Variants in PCNT observed in about 807,000 individuals in gnomAD.
PCNT encodes pericentrin, also known as kendrin.
A neutral mutation model predicts 380.4 loss-of-function variants in PCNT; 319 were observed. The observed-to-expected ratio is 0.84, with a 90% CI of 0.77 to 0.92. The LOEUF (loss-of-function observed/expected upper bound fraction) is 0.92. Ranked by LOEUF, PCNT falls within the 40% of genes least tolerant of loss-of-function variation. The pLI, the probability that PCNT is intolerant of heterozygous loss-of-function variation, is 0.00. For synonymous variants in PCNT, 1,845 were observed against 1,735.2 expected (o/e 1.06, Z -1.57); for missense variants, 4,400 against 4,255.3 (o/e 1.03, Z -0.95).
At position 46,431,936 on chromosome 21, in the gene PCNT, T is replaced by G. The variant is rs1459283879; in HGVS notation, c.8472T>G (p.Ala2824=). Residue 2824 remains alanine, a synonymous_variant, in exon 38 of 47, where the codon GCT becomes GCG. Coordinates refer to ENST00000359568, the MANE Select transcript of PCNT (RefSeq NM_006031.6). ...TGCATTCTCAGCAGCAGCTTGAGGC[T>G]GAGGCTCAGAAGCACTGTGAGGCGC... is the stretch of plus-strand genomic sequence containing the variant. ...QALHSQQQLE[A]EAQKHCEALR... 6.2e-7 allele frequency: 1 copy of G among 1,613,944 alleles called. No individual in the cohort carries two copies. Among genetic ancestry groups the G allele is most frequent in the Admixed American group, 1.7e-5 (1 of 60,014 alleles).
chr21:46,339,211 T>A (rs952631821), intron 3 of PCNT, among the ~76,000 whole-genome samples: 24 of 152,196 alleles, frequency 1.6e-4, no homozygotes, highest in African/African-American at 5.8e-4. Context: ...CAACTGTGCC[T>A]GGCCTGTTTT....
intron 3 of PCNT, among the ~76,000 whole-genome samples, chr21:46,344,872 C>T (rs372462426): frequency 2.6e-5 from 4 of 152,288 alleles, no homozygotes; most frequent in Admixed American, 6.5e-5. Context: ...TTCTGTGGCT[C>T]GACCTGTGTT....
In PCNT at chr21:46,342,323, T is replaced by C. The variant is rs571463126; in HGVS notation, c.640-3805T>C. 2.0e-5 allele frequency among the ~76,000 whole-genome samples: 3 copies of C among 152,140 alleles called. No individual in the cohort carries two copies. The South Asian group carries it at 6.2e-4, about 32-fold the overall frequency. On this transcript the variant is annotated intron_variant, in intron 3 of 46. Transcript: ENST00000359568. Reference sequence around the variant, plus strand: ...GGTTTCACCATGTCGCCCAGGCTGGTCTTGAACTCCTGACCTCAGGTGATC... The same window carrying C: ...GGTTTCACCATGTCGCCCAGGCTGGCCTTGAACTCCTGACCTCAGGTGATC...
chr21:46,399,852 C>A, intron 25 of PCNT, 56 bp downstream of exon 25: 1 of 1,452,228 alleles, frequency 6.9e-7, no homozygotes, highest in Non-Finnish European at 9.7e-7. Context: ...GCAGGCATGG[C>A]TTCATCGCTG....
intron 15 of PCNT, among the ~76,000 whole-genome samples, chr21:46,370,762 G>A (rs999655828): frequency 6.6e-5 from 10 of 152,156 alleles, no homozygotes; most frequent in East Asian, 5.8e-4. Context: ...TCGGCCGGGC[G>A]CGGTGGCTCA....
At chr21:46,381,903 TATTTCAGTGCACAGTTCAGTG>T in intron 16 of PCNT, 63 bp downstream of exon 16, 3 of 1,555,982 alleles carry the variant, frequency 1.9e-6, no homozygotes, top group Non-Finnish European at 1.8e-6. Context: ...ATTTTCACTT[TATTTCAGTGCACAGTTCAGTG>T]GCAGGAGTGC....
intron 29 of PCNT, among the ~76,000 whole-genome samples, chr21:46,413,206 G>C (rs112299117): frequency 8.3e-5 from 11 of 132,010 alleles, no homozygotes; most frequent in African/African-American, 2.6e-4. Context: ...AGGCCCACCC[G>C]GGAGAGGCTG....
rs931612042 is a variant in PCNT, at chr21:46,388,845, T to C, written c.3568T>C (p.Cys1190Arg). The C allele has an allele frequency of 1.2e-6, 2 of 1,611,238 alleles. No individual in the cohort carries two copies. Among genetic ancestry groups the C allele is most frequent in the African/African-American group, 2.7e-5 (2 of 74,908 alleles). Residue 1190 changes from cysteine to arginine, a missense_variant, in exon 18 of 47, where the codon TGC (cysteine) becomes CGC (arginine). By Grantham distance (180) the Cys-to-Arg change is radical. Coordinates refer to ENST00000359568, the MANE Select transcript of PCNT (RefSeq NM_006031.6). This position sits in a 1 kb window ranked among gnomAD's most constrained non-coding sequence, Gnocchi z 4.2. Reference sequence around the variant, plus strand: ...CCGGATCGGGGAGCGCGTGGGGCTCTGCCTGGATGACGCGGGCGCAGGCCT... The same window carrying C: ...CCGGATCGGGGAGCGCGTGGGGCTCCGCCTGGATGACGCGGGCGCAGGCCT... ...RSRIGERVGLCLDDAGAGLAL... is the reference protein window; with the variant it reads ...RSRIGERVGLRLDDAGAGLAL...
chr21:46,397,579 T>C (rs2147405217), intron 22 of PCNT, 85 bp downstream of exon 22: 4 of 1,158,672 alleles, frequency 3.5e-6, no homozygotes, highest in South Asian at 2.6e-5. Flanking sequence ...TTACGTAAGC[T>C]TCTGCAGTAG....
At chr21:46,382,832 G>A (rs550118927) in intron 16 of PCNT, among the ~76,000 whole-genome samples, 3,815 of 107,826 alleles carry the variant, frequency 0.035, 568 homozygotes, top group African/African-American at 0.18. Context: ...GCGCATTCAC[G>A]GTGTTGTGCG....
At chr21:46,393,127 G>A (rs917992037) in intron 21 of PCNT, among the ~76,000 whole-genome samples, 10 of 152,200 alleles carry the variant, frequency 6.6e-5, no homozygotes, top group East Asian at 1.9e-4. Flanking sequence ...ATCTCCCCAC[G>A]GGCCTCTAAG....
chr21:46,363,756 G>T lies in PCNT; in HGVS notation c.2431G>T (p.Glu811Ter). ...DQQAAQILDLERSLTEQQGRL... is the reference protein window; with the variant it reads ...DQQAAQILDL ...ACAGGCAGCCCAGATCCTGGATCTG[G>T]AGAGGTCCTTGACGGAGCAGCAGGG... is the stretch of plus-strand genomic sequence containing the variant. The change falls in exon 14 of 47, where the codon GAG becomes TAG. Residue 811 changes from glutamate (E) to a stop codon, truncating the protein, a stop_gained. Coordinates refer to ENST00000359568, the MANE Select transcript of PCNT (RefSeq NM_006031.6). LOFTEE classifies it high-confidence loss of function. 1 of 1,614,210 alleles carries T rather than the reference G, an allele frequency of 6.2e-7. No homozygotes were observed. The highest frequency in any genetic ancestry group is 8.5e-7 in the Non-Finnish European group (1 of 1,180,034).
intron 24 of PCNT, among the ~76,000 whole-genome samples, chr21:46,398,969 G>A (rs1216852388): frequency 7.9e-5 from 12 of 151,640 alleles, no homozygotes; most frequent in African/African-American, 2.2e-4. Flanking sequence ...ACAGGTGCCC[G>A]CCACCACACC....
Position 46,445,619 on chromosome 21 carries a change from A to G in PCNT, c.*292A>G, listed in dbSNP as rs2148148917. The G allele has an allele frequency of 4.5e-6, 2 of 444,042 alleles. No individual in the cohort carries two copies. The highest frequency in any genetic ancestry group is 8.0e-6 in the Non-Finnish European group (2 of 248,950). The allele number at this position is 444,042 out of a possible 1,614,324, so 27.5% of individuals were successfully genotyped here. The stretch of plus-strand genomic sequence containing the variant: ...CTGTTGTGTGCCTATCGGCAGATCC[A>G]TCCTTCCTGCCTCCAAGGAGGATAC... On this transcript the variant is annotated 3_prime_UTR_variant, in exon 47 of 47. Coordinates refer to ENST00000359568, the MANE Select transcript of PCNT (RefSeq NM_006031.6).
intron 8 of PCNT, among the ~76,000 whole-genome samples, chr21:46,350,421 A>G (rs1284717151): frequency 2.6e-5 from 4 of 152,158 alleles, no homozygotes; most frequent in African/African-American, 4.8e-5. Flanking sequence ...AAAGTTAACA[A>G]GCATTTCTTT....
At chr21:46,375,908 G>A (rs894027136) in intron 15 of PCNT, among the ~76,000 whole-genome samples, 4 of 152,236 alleles carry the variant, frequency 2.6e-5, no homozygotes, top group Non-Finnish European at 4.4e-5. Flanking sequence ...GGTGCGAGGC[G>A]GTACCTGCGG....
intron 8 of PCNT, among the ~76,000 whole-genome samples, chr21:46,350,943 C>G (rs1056092597): frequency 2.6e-5 from 4 of 152,218 alleles, no homozygotes; most frequent in African/African-American, 9.6e-5. Context: ...TGGGCTCTTG[C>G]TGATTGTACA....
At chr21:46,341,959 T>TTG (rs397751532) in intron 3 of PCNT, among the ~76,000 whole-genome samples, 1 of 151,348 alleles carries the variant, frequency 6.6e-6, no homozygotes. Context: ...TTTTTTTTTT[T>TTG]GAGATGGAGT....
Position 46,440,894 on chromosome 21 carries a change from T to C in PCNT, c.9433T>C (p.Phe3145Leu). ...LYLHYLRAES[F>L]RKALIYQKKY... ...CCTGCATTACTTGAGAGCAGAGAGC[T>C]TTAGAAAAGCTCTGATTTATCAAAA... Residue 3145 changes from phenylalanine (F) to leucine (L), a missense_variant, in exon 43 of 47, where the codon TTT becomes CTT. Coordinates refer to ENST00000359568, the MANE Select transcript of PCNT (RefSeq NM_006031.6). The C allele has an allele frequency of 6.2e-7, 1 of 1,613,360 alleles. No homozygotes were observed. Among genetic ancestry groups the C allele is most frequent in the Non-Finnish European group, 8.5e-7 (1 of 1,179,254 alleles).
Sources: allele counts gnomAD v4.1 joint callset (sites outside exome capture counted in the v4.1 genomes callset), GRCh38; gene constraint gnomAD v4.1.1; non-coding constraint Gnocchi (gnomAD v3.1); transcripts MANE v1.5; gene names NCBI Gene and HGNC (gene_info 2026-07-23, HGNC 2026-07-21).